The following ACTR3C variants were observed in gnomAD, a reference collection of about 807,000 sequenced individuals.
ACTR3C encodes actin related protein 3C.
In ACTR3C, 18 loss-of-function variants were observed where a neutral mutation model predicts 26.3. That is an observed-to-expected ratio of 0.68 (90% CI 0.47 to 1.01). The LOEUF (loss-of-function observed/expected upper bound fraction) is 1.01, where lower values mean the gene tolerates loss of function less well. Among genes scored for constraint, ACTR3C ranks in the 50% least tolerant of loss-of-function variants. The pLI is 0.00. For missense variants in ACTR3C, 184 were observed against 250.7 expected, an observed-to-expected ratio of 0.73 and a Z score of 1.80; for synonymous variants, 55 against 94.5, an observed-to-expected ratio of 0.58 and a Z score of 2.42.
chr7:150,018,384 T>C, the ACTR3C span, among the ~76,000 whole-genome samples: 1 of 149,658 alleles, frequency 6.7e-6, no homozygotes, highest in African/African-American at 2.5e-5. Flanking sequence ...TTCACTTCCT[T>C]TGAGATACCC....
intron 1 of ACTR3C, among the ~76,000 whole-genome samples, chr7:150,320,210 A>T (rs1368460620): frequency 6.6e-6 from 1 of 152,270 alleles, no homozygotes; most frequent in Admixed American, 6.5e-5. Context: ...CGCAAAGTAC[A>T]GTAAAGTTTA....
At chr7:150,231,002 AT>A in the ACTR3C span, among the ~76,000 whole-genome samples, 8 of 151,808 alleles carry the variant, frequency 5.3e-5, no homozygotes, top group South Asian at 1.0e-3. Context: ...TTCTGCTCTA[AT>A]TTTTTTATGC....
the ACTR3C span, among the ~76,000 whole-genome samples, chr7:149,962,856 G>A: frequency 2.6e-5 from 4 of 152,230 alleles, no homozygotes; most frequent in East Asian, 5.8e-4. Flanking sequence ...ACTCCTTCAC[G>A]CCAAACTGCC....
chr7:150,183,658 A>G, the ACTR3C span, among the ~76,000 whole-genome samples: 2 of 144,656 alleles, frequency 1.4e-5, no homozygotes, highest in Admixed American at 6.8e-5. Context: ...CATCTAATAT[A>G]GATTTTATGA....
intron 6 of ACTR3C, among the ~76,000 whole-genome samples, chr7:150,276,274 GAC>G (rs1398168832): frequency 6.6e-6 from 1 of 152,074 alleles, no homozygotes; most frequent in Non-Finnish European, 1.5e-5. Flanking sequence ...CCATTTAACA[GAC>G]ACACAGTGCC....
the ACTR3C span, among the ~76,000 whole-genome samples, chr7:150,183,353 A>C: frequency 6.7e-6 from 1 of 148,192 alleles, no homozygotes; most frequent in African/African-American, 2.7e-5. Flanking sequence ...AAAATACTAC[A>C]GTACATTTGT....
At chr7:150,137,854 A>T in the ACTR3C span, among the ~76,000 whole-genome samples, 9 of 152,364 alleles carry the variant, frequency 5.9e-5, no homozygotes, top group Non-Finnish European at 1.2e-4. Context: ...TTCATGTTAC[A>T]TTCAAGAAAC....
chr7:150,297,930 A>G (rs1795071760), intron 1 of ACTR3C, among the ~76,000 whole-genome samples: 3 of 151,666 alleles, frequency 2.0e-5, no homozygotes, highest in Middle Eastern at 3.4e-3. Flanking sequence ...TTTAATGGAA[A>G]AAAATGATAT....
At chr7:149,887,643 C>A in the ACTR3C span, among the ~76,000 whole-genome samples, 70 of 152,310 alleles carry the variant, frequency 4.6e-4, no homozygotes, top group African/African-American at 1.6e-3. Context: ...GTGAGGAGCA[C>A]ACTAATCACA....
chr7:150,143,551 G>A, the ACTR3C span, among the ~76,000 whole-genome samples: 4 of 152,182 alleles, frequency 2.6e-5, no homozygotes, highest in Admixed American at 6.5e-5. Flanking sequence ...AACCTTCCCA[G>A]CTCTCCCAGA....
chr7:150,213,513 A>C, the ACTR3C span, among the ~76,000 whole-genome samples: 1 of 152,020 alleles, frequency 6.6e-6, no homozygotes. Context: ...ACAGAAAGGG[A>C]ATCAGTGCTA....
At chr7:150,213,508 A>C in the ACTR3C span, among the ~76,000 whole-genome samples, 1 of 152,024 alleles carries the variant, frequency 6.6e-6, no homozygotes, top group African/African-American at 2.4e-5. Flanking sequence ...AAAGCACAGA[A>C]AGGGAATCAG....
At chr7:150,061,494 C>T in the ACTR3C span, among the ~76,000 whole-genome samples, 1 of 134,606 alleles carries the variant, frequency 7.4e-6, no homozygotes, top group Admixed American at 7.7e-5. Context: ...TGAATTTATT[C>T]GTAAACTCTC....
At chr7:150,136,420 A>G in the ACTR3C span, among the ~76,000 whole-genome samples, 2 of 152,194 alleles carry the variant, frequency 1.3e-5, no homozygotes, top group Non-Finnish European at 2.9e-5. Flanking sequence ...CTGTAATCCC[A>G]GCACTTTGGG....
the ACTR3C span, among the ~76,000 whole-genome samples, chr7:150,055,666 A>G: frequency 6.6e-6 from 1 of 152,208 alleles, no homozygotes; most frequent in Admixed American, 6.5e-5. Flanking sequence ...AAAGGCAAAG[A>G]TATGGTCAAA....
chr7:150,269,465 G>A (rs1834289716), intron 6 of ACTR3C, among the ~76,000 whole-genome samples: 1 of 150,634 alleles, frequency 6.6e-6, no homozygotes, highest in Non-Finnish European at 1.5e-5. Flanking sequence ...TCACCAGGCC[G>A]CTCGCAGGTC....
At chr7:150,012,477 G>A in the ACTR3C span, among the ~76,000 whole-genome samples, 1 of 151,576 alleles carries the variant, frequency 6.6e-6, no homozygotes. Context: ...ACCATGCCCG[G>A]CTAATTTTTT....
rs750866559 is a variant in ACTR3C, at chr7:150,284,855, A to C, written c.472-10T>G. The C allele has an allele frequency of 6.2e-7, 1 of 1,604,266 alleles. No individual in the cohort carries two copies. The highest frequency in any genetic ancestry group is 1.1e-5 in the South Asian group (1 of 88,658). The stretch of plus-strand genomic sequence containing the variant: ...AGTCTGGGTTGGCAAACTGAATTGT[A>C]TATCAATATAAAAGAAACATTACAC... On this transcript the variant is annotated splice_polypyrimidine_tract_variant and intron_variant, in intron 5 of 7. Transcript: ENST00000683684.
the ACTR3C span, among the ~76,000 whole-genome samples, chr7:150,123,130 T>A: frequency 6.6e-6 from 1 of 151,764 alleles, no homozygotes. Context: ...AAATACCTAA[T>A]GTAGATGACG....
Sources: allele counts gnomAD v4.1 joint callset (sites outside exome capture counted in the v4.1 genomes callset), GRCh38; gene constraint gnomAD v4.1.1; transcripts MANE v1.5; gene names NCBI Gene and HGNC (gene_info 2026-07-23, HGNC 2026-07-21).